LARGE1: variants seen among roughly 807,000 people sequenced by gnomAD.
LARGE1 encodes LARGE xylosyl- and glucuronyltransferase 1.
A neutral mutation model predicts 87.6 loss-of-function variants in LARGE1; 43 were observed. The observed-to-expected ratio is 0.49, with a 90% CI of 0.38 to 0.63. The LOEUF (loss-of-function observed/expected upper bound fraction) is 0.63, where lower values mean the gene tolerates loss of function less well. LARGE1 is among the 30% of genes least tolerant of loss of function. LARGE1 has a pLI of 0.00. For synonymous variants in LARGE1, 434 were observed against 394.6 expected, an observed-to-expected ratio of 1.10 and a Z score of -1.18; for missense variants, 802 against 1,000.2, an observed-to-expected ratio of 0.80 and a Z score of 2.67.
At chr22:33,310,881 G>A (rs998918334) in intron 11 of LARGE1, among the ~76,000 whole-genome samples, 1 of 152,000 alleles carries the variant, frequency 6.6e-6, no homozygotes, top group Non-Finnish European at 1.5e-5. Flanking sequence ...GGTATCGTGT[G>A]TCTGCTACGC....
chr22:33,563,211 T>G (rs1312494574), intron 6 of LARGE1: 3 of 152,218 alleles, frequency 2.0e-5, no homozygotes, highest in Non-Finnish European at 4.4e-5. Flanking sequence ...TAATAAGGCC[T>G]TTATTCCCAA....
downstream of LARGE1, among the ~76,000 whole-genome samples, chr22:33,159,108 T>G (rs1248859585): frequency 6.6e-6 from 1 of 152,234 alleles, no homozygotes; most frequent in Non-Finnish European, 1.5e-5. Context: ...CAAACCCTCA[T>G]TTCTTCTCTC....
chr22:33,773,561 C>T (rs1017225575), intron 1 of LARGE1, among the ~76,000 whole-genome samples: 27 of 152,300 alleles, frequency 1.8e-4, no homozygotes, highest in Non-Finnish European at 2.4e-4. Flanking sequence ...TTAGTTGTCA[C>T]CCGAATTGTG....
At chr22:33,384,144 C>T in intron 8 of LARGE1, 48 bp downstream of exon 8, 1 of 1,275,944 alleles carries the variant, frequency 7.8e-7, no homozygotes, top group Non-Finnish European at 1.1e-6. Context: ...TGAGAAACAG[C>T]ACCAAGCACA....
At chr22:33,651,912 G>A (rs1197677210) in intron 2 of LARGE1, among the ~76,000 whole-genome samples, 3 of 152,038 alleles carry the variant, frequency 2.0e-5, no homozygotes, top group African/African-American at 7.3e-5. Context: ...GGTGGCTCAT[G>A]CCTGTAATCC....
rs1426336031 is a variant in LARGE1 at position 33,915,929 on chromosome 22, G to A, written c.-83+4066C>T. 2.0e-5 allele frequency among the ~76,000 whole-genome samples: 3 copies of A among 152,170 alleles called. No individual in the cohort carries two copies. In the East Asian group the frequency reaches 5.8e-4, roughly 29 times the overall value. ...TGATCCCCTTCCTCCCTACTCTCCT[G>A]GGAAGTTCAAACTCATCCCTTGAAC... On this transcript the variant is annotated intron_variant, in intron 1 of 14. Coordinates refer to ENST00000397394, the MANE Select transcript of LARGE1 (RefSeq NM_133642.5).
rs188013642 is a variant in LARGE1, at chr22:33,302,775, G to A, written c.1730+1454C>T. On this transcript the variant is annotated intron_variant, in intron 12 of 14. Transcript: ENST00000397394. ...GCCCAACAACGTGTAGCAGGGTGAC[G>A]GGCAGACCTGGGGCTGCAGACGCTG... 2.8e-4 allele frequency among the ~76,000 whole-genome samples: 43 copies of A among 152,230 alleles called. No individual in the cohort carries two copies. The South Asian group carries it at 3.9e-3, about 14-fold the overall frequency.
chr22:33,463,253 ACT>A (rs1435356719), intron 6 of LARGE1, among the ~76,000 whole-genome samples: 1 of 151,802 alleles, frequency 6.6e-6, no homozygotes, highest in Non-Finnish European at 1.5e-5. Flanking sequence ...TAAAAGAAAA[ACT>A]CTGAAAATAA....
Position 33,362,897 on chromosome 22 carries a change from G to A in LARGE1, c.1131+19022C>T, listed in dbSNP as rs368551997. ...AGTCCTTAAGTTCTTGTTTCACTTTGAATGAAAGGACACCGATAACCACAG... is the reference window on the plus strand; with the variant it reads ...AGTCCTTAAGTTCTTGTTTCACTTTAAATGAAAGGACACCGATAACCACAG... On this transcript the variant is annotated intron_variant, in intron 9 of 14. Transcript: ENST00000397394. Among the ~76,000 whole-genome samples, 461 of 150,152 alleles carry A rather than the reference G, an allele frequency of 3.1e-3. 33 individuals are homozygous for A. Among genetic ancestry groups the A allele is most frequent in the South Asian group, 7.7e-3 (35 of 4,564 alleles).
At chr22:33,569,071 C>T (rs1023448754) in intron 5 of LARGE1, among the ~76,000 whole-genome samples, 6 of 152,184 alleles carry the variant, frequency 3.9e-5, no homozygotes, top group Non-Finnish European at 7.3e-5. Flanking sequence ...GGAATTCCCT[C>T]CCATGTGCTT....
chr22:33,584,779 T>G (rs1191549032), intron 5 of LARGE1, among the ~76,000 whole-genome samples: 2 of 152,052 alleles, frequency 1.3e-5, no homozygotes, highest in Admixed American at 6.6e-5. Flanking sequence ...AATCCTAACA[T>G]GATCCAACCC....
chr22:33,648,288 G>A (rs1387476538), intron 3 of LARGE1, among the ~76,000 whole-genome samples: 1 of 152,236 alleles, frequency 6.6e-6, no homozygotes, highest in Non-Finnish European at 1.5e-5. Context: ...CTCTTGGCTA[G>A]AGAGATTACA....
At chr22:33,670,348 T>TA (rs2081373446) in intron 2 of LARGE1, among the ~76,000 whole-genome samples, 1 of 151,814 alleles carries the variant, frequency 6.6e-6, no homozygotes. Context: ...AGCTCAGTCT[T>TA]AAAGATTAAG....
intron 11 of LARGE1, among the ~76,000 whole-genome samples, chr22:33,314,383 C>G (rs2146284353): frequency 6.6e-6 from 1 of 152,268 alleles, no homozygotes; most frequent in African/African-American, 2.4e-5. Flanking sequence ...GAATCCACTT[C>G]CCTGAGCCAC....
chr22:33,501,693 G>A (rs2070444980), intron 6 of LARGE1, among the ~76,000 whole-genome samples: 1 of 152,192 alleles, frequency 6.6e-6, no homozygotes, highest in Admixed American at 6.5e-5. Flanking sequence ...CAGATGGGGC[G>A]GCAGGCGGCC....
At position 33,484,231 on chromosome 22, in the gene LARGE1, A is replaced by G. The variant is rs143739604; in HGVS notation, c.788-51966T>C. ...CACACAATCTTTCTTGATAAAATCA[A>G]TATTTATGGGGCTAGGTGCTATGGG... is the stretch of plus-strand genomic sequence containing the variant. On this transcript the variant is annotated intron_variant, in intron 6 of 14. Transcript: ENST00000397394. 3.0e-3 allele frequency among the ~76,000 whole-genome samples: 455 copies of G among 152,240 alleles called. 3 individuals carry two copies. The highest frequency in any genetic ancestry group is 0.021 in the South Asian group (99 of 4,810).
chr22:33,077,582 AG>A, the LARGE1 span, among the ~76,000 whole-genome samples: 1 of 152,190 alleles, frequency 6.6e-6, no homozygotes, highest in East Asian at 1.9e-4. Flanking sequence ...CAATAAAACG[AG>A]ATGAATTTCC....
intron 3 of LARGE1, among the ~76,000 whole-genome samples, chr22:33,641,300 G>C (rs1324318983): frequency 1.3e-5 from 2 of 152,176 alleles, no homozygotes; most frequent in African/African-American, 4.8e-5. Context: ...CTGCAGAAGA[G>C]GGGCCTGTTA....
intron 2 of LARGE1, among the ~76,000 whole-genome samples, chr22:33,678,795 C>T (rs937137614): frequency 6.6e-6 from 1 of 152,202 alleles, no homozygotes; most frequent in Non-Finnish European, 1.5e-5. Context: ...GGAAGAGGCG[C>T]ATCTGCGACC....
Sources: gnomAD v4.1 joint callset for allele counts (sites outside exome capture counted in the v4.1 genomes callset) on GRCh38, gnomAD v4.1.1 for gene constraint, MANE v1.5 for transcripts, NCBI Gene and HGNC (gene_info 2026-07-23, HGNC 2026-07-21) for gene names.